Variants in PRKCB observed in about 807,000 individuals in gnomAD.
PRKCB encodes protein kinase C beta type.
PRKCB carries 13 observed loss-of-function variants against 81.5 expected under a neutral mutation model. That is an observed-to-expected ratio of 0.16 (90% CI 0.10 to 0.25). The LOEUF (loss-of-function observed/expected upper bound fraction) is 0.25. Ranked by LOEUF, PRKCB falls within the 10% of genes least tolerant of loss-of-function variation. The pLI is 1.00. For missense variants in PRKCB, 509 were observed against 875.7 expected, an observed-to-expected ratio of 0.58 and a Z score of 5.29; for synonymous variants, 335 against 321.4, an observed-to-expected ratio of 1.04 and a Z score of -0.45.
chr16:24,146,821 C>T (rs1161033681), intron 9 of PRKCB, among the ~76,000 whole-genome samples: 2 of 152,122 alleles, frequency 1.3e-5, no homozygotes, highest in East Asian at 3.9e-4. Flanking sequence ...GGAATCCTCA[C>T]CCTGGAGAGA....
intron 13 of PRKCB, among the ~76,000 whole-genome samples, chr16:24,182,796 T>G (rs1295562230): frequency 6.6e-6 from 1 of 151,924 alleles, no homozygotes; most frequent in Non-Finnish European, 1.5e-5. Context: ...AGCGAGGAAC[T>G]TCTGAGAACC....
At chr16:24,096,666 A>AAAAAATATATATATATATATATATAT (rs1406204037) in intron 7 of PRKCB, among the ~76,000 whole-genome samples, 1 of 32,714 alleles carries the variant, frequency 3.1e-5, no homozygotes, top group Non-Finnish European at 6.1e-5. Flanking sequence ...AAAAAAAAAA[A>AAAAAATATATATATATATATATATAT]ATATATATAT....
intron 2 of PRKCB, among the ~76,000 whole-genome samples, chr16:23,963,985 C>T (rs1964456699): frequency 6.6e-6 from 1 of 152,062 alleles, no homozygotes; most frequent in African/African-American, 2.4e-5. Context: ...CTACCATGGA[C>T]AGTAGTAGGG....
intron 9 of PRKCB, among the ~76,000 whole-genome samples, chr16:24,148,260 G>A (rs956414036): frequency 2.6e-5 from 4 of 152,132 alleles, no homozygotes; most frequent in Non-Finnish European, 5.9e-5. Flanking sequence ...TTCCCGAAGA[G>A]CATCTTTTGC....
chr16:23,939,871 A>G (rs998396339), intron 2 of PRKCB, among the ~76,000 whole-genome samples: 3 of 152,210 alleles, frequency 2.0e-5, no homozygotes, highest in Non-Finnish European at 4.4e-5. Flanking sequence ...TCGAAACTAA[A>G]CGCTATTGTT....
In PRKCB at chr16:23,836,360, C is replaced by T; in HGVS notation, c.173+12C>T. On this transcript the variant is annotated intron_variant, in intron 1 of 16. Transcript: ENST00000643927. ...ACCGACTTCATCTGGTGAGCGCGCG[C>T]GCGCAGGGCACCTTCCCGGGCCCCC... 1.9e-6 allele frequency: 3 copies of T among 1,595,556 alleles called. No individual in the cohort carries two copies. The highest frequency in any genetic ancestry group is 2.6e-6 in the Non-Finnish European group (3 of 1,172,210).
At chr16:24,086,321 A>G (rs1966310259) in intron 5 of PRKCB, among the ~76,000 whole-genome samples, 1 of 152,154 alleles carries the variant, frequency 6.6e-6, no homozygotes, top group Admixed American at 6.5e-5. Flanking sequence ...AGCCACCAAC[A>G]GATAACTGAA....
At position 24,154,714 on chromosome 16, in the gene PRKCB, G is replaced by A; in HGVS notation, c.1096G>A (p.Glu366Lys). 6.2e-7 allele frequency: 1 copy of A among 1,614,130 alleles called. No homozygotes were observed. Among genetic ancestry groups the A allele is most frequent in the Non-Finnish European group, 8.5e-7 (1 of 1,179,986 alleles). ...GCTTTCAGAACGAAAAGGCACAGAT[G>A]AGCTCTATGCTGTGAAGATCCTGAA... Reference protein sequence around the residue: ...VMLSERKGTDELYAVKILKKD... With the variant: ...VMLSERKGTDKLYAVKILKKD... The change falls in exon 10 of 17, where the codon GAG (glutamate) becomes AAG (lysine). Residue 366 changes from glutamate (E) to lysine (K), a missense_variant. Physicochemically the swap from Glu to Lys is moderately conservative, Grantham distance 56. This residue lies in a region of PRKCB where 80 missense variants were observed against 89.4 expected (regional missense o/e 0.90). Transcript: ENST00000643927.
At chr16:24,021,299 CTT>C in intron 3 of PRKCB, among the ~76,000 whole-genome samples, 1 of 15,798 alleles carries the variant, frequency 6.3e-5, no homozygotes. Flanking sequence ...CCCTCCCTTC[CTT>C]CCTTCCTTCC....
At chr16:24,141,523 C>T (rs891111450) in intron 9 of PRKCB, among the ~76,000 whole-genome samples, 1 of 152,168 alleles carries the variant, frequency 6.6e-6, no homozygotes, top group Non-Finnish European at 1.5e-5. Flanking sequence ...ATGGCTTTCC[C>T]CTCCATTCCA....
At chr16:23,857,959 T>C (rs1597212260) in intron 2 of PRKCB, among the ~76,000 whole-genome samples, 1 of 152,236 alleles carries the variant, frequency 6.6e-6, no homozygotes, top group East Asian at 1.9e-4. Context: ...GCTACTGTTA[T>C]TGTTGCCATT....
At chr16:24,043,767 C>T (rs563712218) in intron 5 of PRKCB, among the ~76,000 whole-genome samples, 2 of 152,256 alleles carry the variant, frequency 1.3e-5, no homozygotes, top group East Asian at 3.9e-4. Flanking sequence ...GTCATTGCTC[C>T]CAAATGTCTA....
At chr16:24,117,685 A>C (rs1362477160) in intron 8 of PRKCB, among the ~76,000 whole-genome samples, 1 of 152,158 alleles carries the variant, frequency 6.6e-6, no homozygotes, top group Non-Finnish European at 1.5e-5. Context: ...CAAGTACTTT[A>C]TTTGAGAGGT....
rs55986931 is a variant in PRKCB at position 23,950,132 on chromosome 16, A to AGTTTTTTTTTTTTTTTTTTTTTTTTTT, written c.206-38376_206-38375insGTTTTTTTTTTTTTTTTTTTTTTTTTT. On this transcript the variant is annotated intron_variant, in intron 2 of 16. Coordinates refer to ENST00000643927, the MANE Select transcript of PRKCB (RefSeq NM_002738.7). ...AGCAGCATTGGCCCCTATGATTTGAATTTTTTTTTTTTTTTTTTTTTTTTT... is the reference window on the plus strand; with the variant it reads ...AGCAGCATTGGCCCCTATGATTTGAAGTTTTTTTTTTTTTTTTTTTTTTTTTTTTTTTTTTTTTTTTTTTTTTTTTTT... 5.1e-5 allele frequency among the ~76,000 whole-genome samples: 5 copies of AGTTTTTTTTTTTTTTTTTTTTTTTTTT among 97,760 alleles called. 2 individuals carry two copies. Among genetic ancestry groups the AGTTTTTTTTTTTTTTTTTTTTTTTTTT allele is most frequent in the African/African-American group, 8.3e-5 (2 of 24,092 alleles). 64.1% of individuals were successfully genotyped at this position (97,760 alleles called of 152,430 possible).
At chr16:24,088,678 G>A (rs775182225) in intron 5 of PRKCB, among the ~76,000 whole-genome samples, 6 of 147,418 alleles carry the variant, frequency 4.1e-5, no homozygotes, top group African/African-American at 7.6e-5. Context: ...GCAGTGAGCC[G>A]TGATCGCGCC....
chr16:23,954,176 T>C (rs1307930904), intron 2 of PRKCB, among the ~76,000 whole-genome samples: 1 of 152,126 alleles, frequency 6.6e-6, no homozygotes, highest in Non-Finnish European at 1.5e-5. Context: ...CTTGAACTCC[T>C]GACCTCAGGT....
chr16:23,854,084 AC>A (rs1037530995), intron 2 of PRKCB, among the ~76,000 whole-genome samples: 6 of 150,834 alleles, frequency 4.0e-5, no homozygotes, highest in African/African-American at 1.5e-4. Flanking sequence ...TAGAAAACCC[AC>A]CCCCATGATT....
chr16:24,174,892 C>G (rs77916314), intron 12 of PRKCB: 73 of 270,968 alleles, frequency 2.7e-4, no homozygotes, highest in African/African-American at 1.4e-3. Context: ...GCTTGTGGAC[C>G]CTACATTTGA....
intron 9 of PRKCB, among the ~76,000 whole-genome samples, chr16:24,126,135 T>C (rs944103301): frequency 6.6e-6 from 1 of 152,114 alleles, no homozygotes; most frequent in Admixed American, 6.6e-5. Flanking sequence ...GCATGTTGAA[T>C]ACATGAATGA....
Sources: allele counts gnomAD v4.1 joint callset (sites outside exome capture counted in the v4.1 genomes callset), GRCh38; gene constraint gnomAD v4.1.1; regional missense constraint gnomAD v4.1.1; transcripts MANE v1.5; gene names NCBI Gene and HGNC (gene_info 2026-07-23, HGNC 2026-07-21).